The following HSF2BP variants were observed in gnomAD, a reference collection of about 807,000 sequenced individuals.
HSF2BP encodes the protein heat shock transcription factor 2 binding protein, also known as heat shock factor 2-binding protein.
In HSF2BP, 35 loss-of-function variants were observed where a neutral mutation model predicts 35.0. The observed-to-expected ratio is 1.00, with a 90% CI of 0.76 to 1.32. The LOEUF (loss-of-function observed/expected upper bound fraction) is 1.32. Ranked by LOEUF, HSF2BP falls within the 40% of genes most tolerant of loss-of-function variation. The pLI is 0.00. For missense variants in HSF2BP, 326 were observed against 321.7 expected (o/e 1.01, Z -0.10); for synonymous variants, 114 against 117.4 (o/e 0.97, Z 0.18).
chr21:43,620,564 G>C (rs909021852), intron 6 of HSF2BP, among the ~76,000 whole-genome samples: 11 of 152,170 alleles, frequency 7.2e-5, no homozygotes, highest in African/African-American at 2.7e-4. Context: ...GCACTGTGGT[G>C]ATCGCCTGTA....
chr21:43,623,646 T>C (rs2082356422), intron 6 of HSF2BP, among the ~76,000 whole-genome samples: 1 of 152,154 alleles, frequency 6.6e-6, no homozygotes, highest in South Asian at 2.1e-4. Context: ...ACAGAGTCAA[T>C]ACAAGGCTGG....
Position 43,656,726 on chromosome 21 carries a change from A to C in HSF2BP, c.48T>G (p.Thr16=). Reference sequence around the variant, plus strand: ...TTCTGACTTTAACAAATTCCTCTTTAGTTCCCATGTGCTAAAAGAACAAGC... The same window carrying C: ...TTCTGACTTTAACAAATTCCTCTTTCGTTCCCATGTGCTAAAAGAACAAGC... The part of the protein sequence containing the change: ...AAEEACRHMG[T]KEEFVKVRKK... The change falls in exon 3 of 9, where the codon ACT becomes ACG. Residue 16 remains threonine (T), a synonymous_variant. Coordinates refer to ENST00000291560, the MANE Select transcript of HSF2BP (RefSeq NM_007031.2). 1 of 1,612,008 alleles carries C rather than the reference A, an allele frequency of 6.2e-7. No homozygotes were observed. Among genetic ancestry groups the C allele is most frequent in the East Asian group, 2.2e-5 (1 of 44,862 alleles).
chr21:43,641,819 G>A (rs1473389329), intron 4 of HSF2BP, among the ~76,000 whole-genome samples: 2 of 151,204 alleles, frequency 1.3e-5, no homozygotes, highest in Non-Finnish European at 2.9e-5. Context: ...ATGGTGGCAC[G>A]TGCCTGTAAT....
intron 8 of HSF2BP, among the ~76,000 whole-genome samples, chr21:43,583,047 A>G (rs660552): frequency 7.7e-5 from 1 of 13,028 alleles, no homozygotes; most frequent in Admixed American, 1.0e-3. Context: ...GGAGATGAGG[A>G]CCTGCTGAGG....
chr21:43,616,412 G>A (rs1488825350), intron 6 of HSF2BP, among the ~76,000 whole-genome samples: 4 of 152,238 alleles, frequency 2.6e-5, no homozygotes, highest in Non-Finnish European at 5.9e-5. Flanking sequence ...GGAAGGCCAA[G>A]GTGGGTGAAT....
At chr21:43,650,976 G>C (rs1051318045) in intron 3 of HSF2BP, among the ~76,000 whole-genome samples, 2 of 152,042 alleles carry the variant, frequency 1.3e-5, no homozygotes, top group Non-Finnish European at 2.9e-5. Context: ...CCAAAGTGTT[G>C]GGATTACAGG....
intron 7 of HSF2BP, among the ~76,000 whole-genome samples, chr21:43,603,404 C>T (rs1314715308): frequency 6.6e-6 from 1 of 152,226 alleles, no homozygotes; most frequent in Non-Finnish European, 1.5e-5. Flanking sequence ...ACTCCTGACA[C>T]ATGTCATTCC....
chr21:43,592,557 A>G (rs918159286), intron 7 of HSF2BP, among the ~76,000 whole-genome samples: 6 of 152,206 alleles, frequency 3.9e-5, no homozygotes, highest in Non-Finnish European at 8.8e-5. Context: ...CACATAATCA[A>G]GAGTCTCGAT....
chr21:43,648,347 CCCTG>C (rs967330326), intron 3 of HSF2BP, among the ~76,000 whole-genome samples: 31 of 152,200 alleles, frequency 2.0e-4, no homozygotes, highest in African/African-American at 7.2e-4. Flanking sequence ...ACTCCATCCT[CCCTG>C]CTGGGCTTCA....
At chr21:43,639,856 A>G (rs1035937551) in intron 4 of HSF2BP, among the ~76,000 whole-genome samples, 2 of 152,270 alleles carry the variant, frequency 1.3e-5, no homozygotes, top group Non-Finnish European at 1.5e-5. Flanking sequence ...TGTCTTTATC[A>G]GTAATAGAAA....
chr21:43,655,374 C>A (rs77485088), intron 3 of HSF2BP, among the ~76,000 whole-genome samples: 6,232 of 152,218 alleles, frequency 0.041, 440 homozygotes, highest in African/African-American at 0.14. Context: ...AAAGAGAAAT[C>A]AACCCAGATG....
chr21:43,467,873 A>AACACACCACACACACC, the HSF2BP span, among the ~76,000 whole-genome samples: 322 of 40,334 alleles, frequency 8.0e-3, 5 homozygotes, highest in African/African-American at 0.031. Context: ...ACACACACCA[A>AACACACCACACACACC]ACACACCACA....
chr21:43,611,964 G>A (rs1423692870), intron 7 of HSF2BP, among the ~76,000 whole-genome samples: 1 of 151,514 alleles, frequency 6.6e-6, no homozygotes, highest in Non-Finnish European at 1.5e-5. Flanking sequence ...GTGTGGATCT[G>A]ATCATAAACA....
rs2082903689 is a variant in HSF2BP at position 43,658,056 on chromosome 21, C to G, written c.36+5G>C. 6.5e-7 allele frequency: 1 copy of G among 1,535,840 alleles called. No individual in the cohort carries two copies. Among genetic ancestry groups the G allele is most frequent in the Non-Finnish European group, 8.7e-7 (1 of 1,146,318 alleles). On this transcript the variant is annotated splice_donor_5th_base_variant and intron_variant, in intron 2 of 8. Coordinates refer to ENST00000291560, the MANE Select transcript of HSF2BP (RefSeq NM_007031.2). ...GCTGGCGTCGGCCAGGGCTTCCTCACTAACCCGGCAGGCCTCCTCAGCGGC... is the reference window on the plus strand; with the variant it reads ...GCTGGCGTCGGCCAGGGCTTCCTCAGTAACCCGGCAGGCCTCCTCAGCGGC...
At chr21:43,639,362 C>A (rs192539407) in intron 4 of HSF2BP, among the ~76,000 whole-genome samples, 1 of 152,168 alleles carries the variant, frequency 6.6e-6, no homozygotes, top group East Asian at 1.9e-4. Flanking sequence ...ATGAAAAGAG[C>A]AGCTACAGAC....
At chr21:43,647,882 T>C (rs1260481127) in intron 3 of HSF2BP, among the ~76,000 whole-genome samples, 1 of 140,124 alleles carries the variant, frequency 7.1e-6, no homozygotes, top group Non-Finnish European at 1.5e-5. Context: ...TGAGCCAAGA[T>C]CACGCCAGTG....
intron 5 of HSF2BP, 41 bp from the exon 6 acceptor site, chr21:43,630,495 C>A: frequency 6.3e-7 from 1 of 1,578,790 alleles, no homozygotes; most frequent in Non-Finnish European, 8.6e-7. Context: ...TTTTTACAGA[C>A]ACTAGTGTGA....
chr21:43,657,243 G>A (rs1386235686), intron 2 of HSF2BP, among the ~76,000 whole-genome samples: 2 of 152,160 alleles, frequency 1.3e-5, no homozygotes, highest in African/African-American at 2.4e-5. Context: ...GGTGGCCGGC[G>A]CCTGTACGCA....
intron 3 of HSF2BP, among the ~76,000 whole-genome samples, chr21:43,647,235 A>C (rs1010433019): frequency 1.3e-5 from 2 of 151,730 alleles, no homozygotes; most frequent in African/African-American, 4.9e-5. Flanking sequence ...GTATCTTCTG[A>C]AACAACAATT....
Sources: allele counts gnomAD v4.1 joint callset (sites outside exome capture counted in the v4.1 genomes callset), GRCh38; gene constraint gnomAD v4.1.1; transcripts MANE v1.5; gene names NCBI Gene and HGNC (gene_info 2026-07-23, HGNC 2026-07-21).